The following VPS35L variants were observed in gnomAD, a reference collection of about 807,000 sequenced individuals.
VPS35L encodes VPS35 endosomal protein sorting factor like, also known as VPS35 endosomal protein-sorting factor-like.
Under a neutral mutation model 133.0 loss-of-function variants are expected in VPS35L, and 83 were observed. The ratio of observed to expected loss-of-function variants is 0.62; its 90% confidence interval spans 0.52 to 0.75. VPS35L has a LOEUF of 0.75. VPS35L is among the 30% of genes least tolerant of loss of function. VPS35L has a pLI of 0.00. For synonymous variants in VPS35L, 423 were observed against 449.9 expected, an observed-to-expected ratio of 0.94 and a Z score of 0.76; for missense variants, 1,083 against 1,206.8, an observed-to-expected ratio of 0.90 and a Z score of 1.52.
intron 1 of VPS35L, among the ~76,000 whole-genome samples, chr16:19,559,425 C>T (rs1440751822): frequency 6.6e-6 from 1 of 152,108 alleles, no homozygotes; most frequent in African/African-American, 2.4e-5. Context: ...TCCAGACAAG[C>T]CCTTTACATT....
chr16:19,609,578 A>G (rs1031183686), intron 11 of VPS35L, among the ~76,000 whole-genome samples: 1 of 152,198 alleles, frequency 6.6e-6, no homozygotes, highest in South Asian at 2.1e-4. Flanking sequence ...TAGTTACAGG[A>G]CGTGGGGGAC....
At chr16:19,628,141 G>C (rs905432600) in intron 16 of VPS35L, among the ~76,000 whole-genome samples, 1 of 152,122 alleles carries the variant, frequency 6.6e-6, no homozygotes, top group Non-Finnish European at 1.5e-5. Flanking sequence ...AGGGCAGGAG[G>C]ATCACTTGAG....
intron 27 of VPS35L, among the ~76,000 whole-genome samples, chr16:19,680,882 G>C (rs1290133118): frequency 5.3e-5 from 8 of 151,732 alleles, no homozygotes; most frequent in Non-Finnish European, 7.4e-5. Context: ...ACTGTAGCCA[G>C]AGTGACAGAG....
chr16:19,626,031 C>T (rs1226446810), intron 14 of VPS35L, 146 bp from the exon 15 acceptor site: 1 of 559,138 alleles, frequency 1.8e-6, no homozygotes. Flanking sequence ...CTCCCCAAGC[C>T]TCCCCATCCC....
intron 29 of VPS35L, among the ~76,000 whole-genome samples, chr16:19,693,154 G>A (rs941019277): frequency 6.6e-6 from 1 of 152,190 alleles, no homozygotes; most frequent in Non-Finnish European, 1.5e-5. Flanking sequence ...GTTGTTTGTG[G>A]AAAGAGTGGC....
At chr16:19,651,903 T>C (rs1974138750) in intron 25 of VPS35L, 73 bp from the exon 26 acceptor site, 24 of 1,074,048 alleles carry the variant, frequency 2.2e-5, no homozygotes, top group Non-Finnish European at 3.2e-5. Flanking sequence ...TGGAAATACA[T>C]GAGGGATGAA....
chr16:19,631,877 G>T (rs948956225), intron 18 of VPS35L, among the ~76,000 whole-genome samples: 2 of 151,636 alleles, frequency 1.3e-5, no homozygotes, highest in African/African-American at 4.8e-5. Flanking sequence ...TAGAGATGGG[G>T]TCTTGCCATG....
chr16:19,695,621 C>T (rs918915524), intron 29 of VPS35L, among the ~76,000 whole-genome samples: 3 of 152,052 alleles, frequency 2.0e-5, no homozygotes, highest in African/African-American at 7.2e-5. Context: ...TGAGACCAGC[C>T]TGGGGAACAT....
In VPS35L at chr16:19,633,317, T is replaced by G. The variant is rs1230687054; in HGVS notation, c.1635+145T>G. ...TGCCATATCCTAGCCATGTGCCCTT[T>G]GATCAGTTACTTAACCTTGTTGTGC... On this transcript the variant is annotated intron_variant, in intron 19 of 30. Transcript: ENST00000417362. This position sits in a 1 kb window ranked among gnomAD's most constrained non-coding sequence, Gnocchi z 4.1. 1.3e-6 allele frequency: 1 copy of G among 768,594 alleles called. No homozygotes were observed. The highest frequency in any genetic ancestry group is 2.2e-6 in the Non-Finnish European group (1 of 456,968). 47.6% of individuals were successfully genotyped at this position (768,594 alleles called of 1,614,324 possible).
rs188797215 is a variant in VPS35L at position 19,613,475 on chromosome 16, A to G, written c.1024-2639A>G. The stretch of plus-strand genomic sequence containing the variant: ...TGCAGGCCCTCAAAGGGTGCTGTCA[A>G]GAATCAGCCTCTCCCCACATCACTC... On this transcript the variant is annotated intron_variant, in intron 12 of 30. Coordinates refer to ENST00000417362, the MANE Select transcript of VPS35L (RefSeq NM_020314.7). 1.4e-3 allele frequency among the ~76,000 whole-genome samples: 220 copies of G among 152,352 alleles called. 3 individuals are homozygous for G. The highest frequency in any genetic ancestry group is 0.013 in the Admixed American group (204 of 15,300).
At chr16:19,683,905 T>C (rs1975370901) in intron 28 of VPS35L, among the ~76,000 whole-genome samples, 1 of 152,222 alleles carries the variant, frequency 6.6e-6, no homozygotes, top group Non-Finnish European at 1.5e-5. Context: ...CTGAACTAAT[T>C]TGCATTTCCA....
chr16:19,688,699 G>GAA (rs1975554985), intron 28 of VPS35L, among the ~76,000 whole-genome samples: 1 of 152,226 alleles, frequency 6.6e-6, no homozygotes, highest in Admixed American at 6.5e-5. Context: ...CAGACAGAGT[G>GAA]CTGCTTGTTC....
intron 7 of VPS35L, among the ~76,000 whole-genome samples, chr16:19,588,180 TATG>T (rs1264476425): frequency 1.3e-5 from 2 of 151,186 alleles, no homozygotes; most frequent in Admixed American, 1.3e-4. Context: ...TGTATGTATG[TATG>T]TATGTATTTA....
At chr16:19,626,736 T>C (rs1231425141) in intron 15 of VPS35L, among the ~76,000 whole-genome samples, 1 of 151,876 alleles carries the variant, frequency 6.6e-6, no homozygotes, top group African/African-American at 2.4e-5. Context: ...TACTCTAGCT[T>C]GGCGACAGAG....
Position 19,578,455 on chromosome 16 carries a change from C to T in VPS35L, c.434-597C>T, listed in dbSNP as rs1039987815. On this transcript the variant is annotated intron_variant, in intron 5 of 30. Transcript: ENST00000417362. ...ATAGACGGCCGCAGAGGGCAGCAGTCAGCTAGATGCATCGCCCTGCCTTGT... is the reference window on the plus strand; with the variant it reads ...ATAGACGGCCGCAGAGGGCAGCAGTTAGCTAGATGCATCGCCCTGCCTTGT... The T allele has an allele frequency of 2.1e-5, 8 of 378,128 alleles. No individual in the cohort carries two copies. In the Admixed American group the frequency reaches 2.8e-4, roughly 13 times the overall value. 23.4% of individuals were successfully genotyped at this position (378,128 alleles called of 1,614,324 possible).
intron 29 of VPS35L, among the ~76,000 whole-genome samples, chr16:19,698,538 G>C (rs1000902322): frequency 3.3e-5 from 5 of 152,132 alleles, no homozygotes; most frequent in African/African-American, 4.8e-5. Flanking sequence ...GAATGCTGGG[G>C]GACACCTCTA....
In VPS35L at chr16:19,651,994, T is replaced by G. The variant is rs1456552992; in HGVS notation, c.2125T>G (p.Phe709Val). 2.5e-6 allele frequency: 4 copies of G among 1,611,816 alleles called. No homozygotes were observed. The highest frequency in any genetic ancestry group is 3.4e-6 in the Non-Finnish European group (4 of 1,178,270). ...CTCCTAGGCCTGTGTTGCCTACTGC[T>G]TCATCACCATCCCCTCCCTGGCGGG... is the stretch of plus-strand genomic sequence containing the variant. ...AFVRACVAYC[F>V]ITIPSLAGIF... The change falls in exon 26 of 31, where the codon TTC becomes GTC. Residue 709 changes from phenylalanine to valine, a missense_variant. Coordinates refer to ENST00000417362, the MANE Select transcript of VPS35L (RefSeq NM_020314.7).
At chr16:19,646,973 C>T (rs1973970947) in intron 23 of VPS35L, among the ~76,000 whole-genome samples, 1 of 152,152 alleles carries the variant, frequency 6.6e-6, no homozygotes, top group African/African-American at 2.4e-5. Flanking sequence ...AAGTCAGGAC[C>T]AAAGCTGACT....
At chr16:19,570,727 G>T (rs985422633) in intron 3 of VPS35L, among the ~76,000 whole-genome samples, 1 of 150,822 alleles carries the variant, frequency 6.6e-6, no homozygotes, top group African/African-American at 2.4e-5. Flanking sequence ...CATTAAAGAG[G>T]CAGCCATGGA....
Sources: gnomAD v4.1 joint callset for allele counts (sites outside exome capture counted in the v4.1 genomes callset) on GRCh38, gnomAD v4.1.1 for gene constraint, Gnocchi (gnomAD v3.1) non-coding constraint, MANE v1.5 for transcripts, NCBI Gene and HGNC (gene_info 2026-07-23, HGNC 2026-07-21) for gene names.